The following CTNNBIP1 variants were observed in gnomAD, a reference collection of about 807,000 sequenced individuals.
The protein encoded by CTNNBIP1 is beta-catenin-interacting protein 1.
In CTNNBIP1, 7 loss-of-function variants were observed where a neutral mutation model predicts 11.8. The ratio of observed to expected loss-of-function variants is 0.60; its 90% confidence interval spans 0.34 to 1.12. The LOEUF is 1.12. Among genes scored for constraint, CTNNBIP1 ranks in the 50% most tolerant of loss-of-function variants. The pLI is 0.03. For missense variants in CTNNBIP1, 101 were observed against 113.4 expected (o/e 0.89, Z 0.50); for synonymous variants, 58 against 43.9 (o/e 1.32, Z -1.26).
chr1:9,899,455 CAAA>C (rs754593503), intron 1 of CTNNBIP1, among the ~76,000 whole-genome samples: 2,505 of 65,494 alleles, frequency 0.038, 80 homozygotes, highest in African/African-American at 0.1. Flanking sequence ...GACTCCATCT[CAAA>C]AAAAAAAAAA....
intron 2 of CTNNBIP1, among the ~76,000 whole-genome samples, chr1:9,882,659 A>G (rs1471842496): frequency 1.3e-5 from 2 of 152,216 alleles, no homozygotes; most frequent in African/African-American, 4.8e-5. Context: ...AGCAGGAAGC[A>G]GGAGAGGAGG....
chr1:9,853,860 T>C lies in CTNNBIP1; in HGVS notation c.188-3084A>G, dbSNP rs543494047. Among the ~76,000 whole-genome samples, 15 of 152,092 alleles carry C rather than the reference T, an allele frequency of 9.9e-5. No homozygotes were observed. The South Asian group carries it at 2.7e-3, about 27-fold the overall frequency. The stretch of plus-strand genomic sequence containing the variant: ...ATGAGAAAAGAGAACTACAGATGAG[T>C]ATCTCACATGAATATAGATGCAAAC... On this transcript the variant is annotated intron_variant, in intron 5 of 5. Transcript: ENST00000377263.
At chr1:9,907,380 A>G (rs991060527) in intron 1 of CTNNBIP1, among the ~76,000 whole-genome samples, 8 of 152,154 alleles carry the variant, frequency 5.3e-5, no homozygotes, top group African/African-American at 1.9e-4. Context: ...CATGTTGCCC[A>G]GGCTGGTCTT....
At chr1:9,907,338 T>C (rs1484161527) in intron 1 of CTNNBIP1, among the ~76,000 whole-genome samples, 1 of 152,126 alleles carries the variant, frequency 6.6e-6, no homozygotes, top group Non-Finnish European at 1.5e-5. Flanking sequence ...GCCCAGCTGA[T>C]TTTTGTATTT....
intron 1 of CTNNBIP1, among the ~76,000 whole-genome samples, chr1:9,909,530 G>C (rs755793358): frequency 2.0e-5 from 3 of 152,156 alleles, no homozygotes; most frequent in Non-Finnish European, 2.9e-5. Flanking sequence ...GTGATGAAAA[G>C]GAGGTGAGAG....
intron 5 of CTNNBIP1, among the ~76,000 whole-genome samples, chr1:9,858,486 G>A (rs1052124967): frequency 6.6e-6 from 1 of 152,112 alleles, no homozygotes; most frequent in Non-Finnish European, 1.5e-5. Flanking sequence ...TCAAGCACAA[G>A]TCCTTACACC....
At chr1:9,850,822 G>C (rs1638367317) in intron 5 of CTNNBIP1, 46 bp from the exon 6 acceptor site, 1 of 1,583,954 alleles carries the variant, frequency 6.3e-7, no homozygotes. Context: ...TGCAGCATTG[G>C]CTTGCGAACA....
chr1:9,896,661 C>A (rs949516217), intron 1 of CTNNBIP1, among the ~76,000 whole-genome samples: 1 of 151,726 alleles, frequency 6.6e-6, no homozygotes, highest in African/African-American at 2.4e-5. Flanking sequence ...GGTAAAACCC[C>A]GTCTCTACTA....
At position 9,872,117 on chromosome 1, in the gene CTNNBIP1, G is replaced by C. The variant is rs1295716423; in HGVS notation, c.-24-29C>G. 30 of 1,358,064 alleles carry C rather than the reference G, an allele frequency of 2.2e-5. No individual in the cohort carries two copies. Among genetic ancestry groups the C allele is most frequent in the Non-Finnish European group, 2.8e-5 (27 of 947,804 alleles). 84.1% of individuals were successfully genotyped at this position (1,358,064 alleles called of 1,614,324 possible). The stretch of plus-strand genomic sequence containing the variant: ...CAGAGCAAGCAACAGCATCAAAAGG[G>C]AAGAGATCAGGATGTGACATACTGG... On this transcript the variant is annotated intron_variant, in intron 3 of 5. Coordinates refer to ENST00000377263, the MANE Select transcript of CTNNBIP1 (RefSeq NM_020248.3). This position sits in a 1 kb window ranked among gnomAD's most constrained non-coding sequence, Gnocchi z 4.0.
chr1:9,878,654 G>A (rs990282136), intron 2 of CTNNBIP1, among the ~76,000 whole-genome samples: 2 of 152,180 alleles, frequency 1.3e-5, no homozygotes, highest in African/African-American at 4.8e-5. Context: ...GGAGCTCATC[G>A]TTCAGGTCAC....
chr1:9,882,783 C>T (rs1201504410), intron 2 of CTNNBIP1, among the ~76,000 whole-genome samples: 15 of 152,092 alleles, frequency 9.9e-5, no homozygotes, highest in Non-Finnish European at 2.9e-5. Flanking sequence ...GGTGAGGCCC[C>T]AAAGGACAGG....
At chr1:9,862,862 C>T (rs1557747606) in intron 5 of CTNNBIP1, among the ~76,000 whole-genome samples, 1 of 152,200 alleles carries the variant, frequency 6.6e-6, no homozygotes, top group Non-Finnish European at 1.5e-5. Context: ...TAGCACACAG[C>T]AACTGTGGGC....
chr1:9,885,898 C>T (rs1335747836), intron 1 of CTNNBIP1, among the ~76,000 whole-genome samples: 1 of 150,392 alleles, frequency 6.6e-6, no homozygotes, highest in Non-Finnish European at 1.5e-5. Flanking sequence ...TGCCATTGCA[C>T]TCCAGCCTGG....
Position 9,851,461 on chromosome 1 carries a change from C to T in CTNNBIP1, c.188-685G>A, listed in dbSNP as rs1256349214. Among the ~76,000 whole-genome samples, 1 of 152,092 alleles carries T rather than the reference C, an allele frequency of 6.6e-6. No individual in the cohort carries two copies. Among genetic ancestry groups the T allele is most frequent in the Non-Finnish European group, 1.5e-5 (1 of 68,040 alleles). On this transcript the variant is annotated intron_variant, in intron 5 of 5. Transcript: ENST00000377263. The surrounding 1 kb of genome is among the most constrained non-coding windows in gnomAD (Gnocchi z 4.8). ...TCTCGGCTCACTGCATCCTCTGCCTCCCGGGTTCAAGCGATCCTCCTGCCT... is the reference window on the plus strand; with the variant it reads ...TCTCGGCTCACTGCATCCTCTGCCTTCCGGGTTCAAGCGATCCTCCTGCCT...
At chr1:9,908,251 G>A (rs1023979190) in intron 1 of CTNNBIP1, among the ~76,000 whole-genome samples, 1 of 152,006 alleles carries the variant, frequency 6.6e-6, no homozygotes, top group Non-Finnish European at 1.5e-5. Context: ...TAGAGACAGG[G>A]TTTCACCATG....
intron 5 of CTNNBIP1, among the ~76,000 whole-genome samples, chr1:9,860,849 G>A (rs978333963): frequency 1.3e-5 from 2 of 152,110 alleles, no homozygotes; most frequent in African/African-American, 4.8e-5. Context: ...TCCTAAAGAG[G>A]GTAAAAAAGT....
At chr1:9,855,636 G>C (rs559619086) in intron 5 of CTNNBIP1, among the ~76,000 whole-genome samples, 1 of 151,374 alleles carries the variant, frequency 6.6e-6, no homozygotes, top group Non-Finnish European at 1.5e-5. Context: ...ACCTGAAATG[G>C]ATAAATGACC....
At chr1:9,889,710 AC>A (rs1213604027) in intron 1 of CTNNBIP1, among the ~76,000 whole-genome samples, 1 of 152,196 alleles carries the variant, frequency 6.6e-6, no homozygotes, top group Admixed American at 6.5e-5. Flanking sequence ...TTGAGGACAG[AC>A]CGGGGGTGGT....
At chr1:9,882,494 G>T (rs1357979970) in intron 2 of CTNNBIP1, among the ~76,000 whole-genome samples, 6 of 152,194 alleles carry the variant, frequency 3.9e-5, no homozygotes, top group African/African-American at 7.2e-5. Flanking sequence ...ACGTAGGAAG[G>T]CCCGAAGCAG....
Sources: allele counts gnomAD v4.1 joint callset (sites outside exome capture counted in the v4.1 genomes callset), GRCh38; gene constraint gnomAD v4.1.1; non-coding constraint Gnocchi (gnomAD v3.1); transcripts MANE v1.5; gene names NCBI Gene and HGNC (gene_info 2026-07-23, HGNC 2026-07-21).